ELOVL5: variants seen among roughly 807,000 people sequenced by gnomAD.
The protein encoded by ELOVL5 is ELOVL fatty acid elongase 5, also known as very long chain fatty acid elongase 5.
ELOVL5 carries 8 observed loss-of-function variants against 38.6 expected under a neutral mutation model. The ratio of observed to expected loss-of-function variants is 0.21; its 90% CI spans 0.12 to 0.37. ELOVL5 has a LOEUF of 0.37. ELOVL5 is among the 10% of genes least tolerant of loss of function. ELOVL5 has a pLI of 1.00. For missense variants in ELOVL5, 280 were observed against 367.8 expected (o/e 0.76, Z 1.95); for synonymous variants, 127 against 133.7 (o/e 0.95, Z 0.34).
intron 1 of ELOVL5, among the ~76,000 whole-genome samples, chr6:53,322,123 T>G (rs1768325809): frequency 6.6e-6 from 1 of 152,220 alleles, no homozygotes; most frequent in Admixed American, 6.5e-5. Context: ...GTTCAAGCAT[T>G]TGTTAAATAT....
intron 1 of ELOVL5, among the ~76,000 whole-genome samples, chr6:53,296,820 T>C (rs578118024): frequency 2.0e-5 from 3 of 152,338 alleles, no homozygotes; most frequent in Admixed American, 6.5e-5. Context: ...ATCAATATTA[T>C]AACGTCCAAG....
At chr6:53,281,174 G>C (rs993399184) in intron 3 of ELOVL5, among the ~76,000 whole-genome samples, 2 of 152,168 alleles carry the variant, frequency 1.3e-5, no homozygotes, top group African/African-American at 4.8e-5. Context: ...GGTGATAAGA[G>C]CTTGATGAAG....
rs1249699550 is a variant in ELOVL5 at position 53,348,867 on chromosome 6, G to A, written c.-59C>T. 2.2e-6 allele frequency: 1 copy of A among 457,556 alleles called. No individual in the cohort carries two copies. The highest frequency in any genetic ancestry group is 4.4e-6 in the Non-Finnish European group (1 of 227,716). The allele number at this position is 457,556 out of a possible 1,614,324, so 28.3% of individuals were successfully genotyped here. On this transcript the variant is annotated 5_prime_UTR_variant, in exon 1 of 8. Coordinates refer to ENST00000304434, the MANE Select transcript of ELOVL5 (RefSeq NM_021814.5). ...CTTTGAGCAGCAGCAAGGCGGCGGC[G>A]GCGGAGGGAGCGCGGGTGGCAGCCG...
At chr6:53,309,802 T>G (rs571173813) in intron 1 of ELOVL5, among the ~76,000 whole-genome samples, 33 of 152,214 alleles carry the variant, frequency 2.2e-4, no homozygotes, top group African/African-American at 7.7e-4. Context: ...TGGCAGGAAA[T>G]AGGCCACCTG....
chr6:53,287,645 A>C (rs1766621795), intron 3 of ELOVL5, among the ~76,000 whole-genome samples: 1 of 152,364 alleles, frequency 6.6e-6, no homozygotes, highest in African/African-American at 2.4e-5. Flanking sequence ...CACAGTCCTC[A>C]AAAGTGAGAG....
chr6:53,305,835 T>C (rs988567131), intron 1 of ELOVL5, among the ~76,000 whole-genome samples: 1 of 152,068 alleles, frequency 6.6e-6, no homozygotes, highest in African/African-American at 2.4e-5. Flanking sequence ...CTCCGCACTT[T>C]GTGGGGCCAA....
intron 1 of ELOVL5, among the ~76,000 whole-genome samples, chr6:53,305,068 C>A (rs572470459): frequency 6.7e-6 from 1 of 148,546 alleles, no homozygotes; most frequent in South Asian, 2.1e-4. Context: ...ACCCCCCCCA[C>A]CTCCCTCCCG....
At chr6:53,279,182 G>A (rs1432306684) in intron 3 of ELOVL5, among the ~76,000 whole-genome samples, 2 of 152,160 alleles carry the variant, frequency 1.3e-5, no homozygotes, top group Non-Finnish European at 2.9e-5. Flanking sequence ...CTCCCACCAT[G>A]AAGTACATAA....
chr6:53,335,614 C>T (rs1769027457), intron 1 of ELOVL5, among the ~76,000 whole-genome samples: 1 of 152,094 alleles, frequency 6.6e-6, no homozygotes, highest in South Asian at 2.1e-4. Context: ...CACTATCCTT[C>T]CCCCAGACTC....
intron 1 of ELOVL5, 97 bp downstream of exon 1, chr6:53,348,720 G>C: frequency 2.3e-6 from 1 of 434,366 alleles, no homozygotes; most frequent in Non-Finnish European, 4.6e-6. Flanking sequence ...GAGACCTAAC[G>C]GCAGTTCTCT....
At chr6:53,333,458 T>C (rs1768895986) in intron 1 of ELOVL5, among the ~76,000 whole-genome samples, 1 of 152,192 alleles carries the variant, frequency 6.6e-6, no homozygotes, top group African/African-American at 2.4e-5. Flanking sequence ...ACTGAGACGT[T>C]AGTAATGAGC....
intron 5 of ELOVL5, among the ~76,000 whole-genome samples, chr6:53,274,446 T>TA (rs1334951018): frequency 6.6e-6 from 1 of 152,228 alleles, no homozygotes; most frequent in African/African-American, 2.4e-5. Flanking sequence ...GGTTCTCAGT[T>TA]AAATTCTTCA....
chr6:53,317,721 C>T (rs1768113544), intron 1 of ELOVL5, among the ~76,000 whole-genome samples: 1 of 151,284 alleles, frequency 6.6e-6, no homozygotes, highest in South Asian at 2.1e-4. Context: ...GTGCAGCATA[C>T]CAGCATGGCA....
At chr6:53,295,532 TATC>T in intron 2 of ELOVL5, 107 bp downstream of exon 2, 2 of 763,944 alleles carry the variant, frequency 2.6e-6, no homozygotes, top group South Asian at 1.7e-5. Context: ...GTTTTAGACT[TATC>T]ATAGAAAATG....
intron 1 of ELOVL5, among the ~76,000 whole-genome samples, chr6:53,326,777 G>C (rs1227992165): frequency 2.0e-5 from 3 of 152,186 alleles, no homozygotes; most frequent in Admixed American, 6.5e-5. Flanking sequence ...CTAGGCACCA[G>C]CAAGTACGGT....
At chr6:53,341,271 G>C (rs1022732485) in intron 1 of ELOVL5, among the ~76,000 whole-genome samples, 1 of 152,114 alleles carries the variant, frequency 6.6e-6, no homozygotes, top group African/African-American at 2.4e-5. Context: ...TTTAGTTACT[G>C]TCAACAGAAG....
chr6:53,285,513 C>T (rs2127571909), intron 3 of ELOVL5, among the ~76,000 whole-genome samples: 1 of 152,342 alleles, frequency 6.6e-6, no homozygotes, highest in East Asian at 1.9e-4. Context: ...GAAGCTGCAG[C>T]CAGTTATCTG....
rs77733709 is a variant in ELOVL5, at chr6:53,280,904, T to C, written c.247-4648A>G. Among the ~76,000 whole-genome samples, 664 of 152,288 alleles carry C rather than the reference T, an allele frequency of 4.4e-3. 8 individuals carry two copies. The highest frequency in any genetic ancestry group is 0.015 in the African/African-American group (641 of 41,548). On this transcript the variant is annotated intron_variant, in intron 3 of 7. Coordinates refer to ENST00000304434, the MANE Select transcript of ELOVL5 (RefSeq NM_021814.5). ...GCCCCTGCACCCAGCCAGGAGTGAA[T>C]CATTTTTAACGGTGAGTTGACTTTT...
chr6:53,341,754 T>C (rs769359112), intron 1 of ELOVL5, among the ~76,000 whole-genome samples: 6 of 152,232 alleles, frequency 3.9e-5, no homozygotes, highest in East Asian at 1.9e-4. Flanking sequence ...TTCCAATCTT[T>C]TGCTATTAGA....
Sources: allele counts gnomAD v4.1 joint callset (sites outside exome capture counted in the v4.1 genomes callset), GRCh38; gene constraint gnomAD v4.1.1; transcripts MANE v1.5; gene names NCBI Gene and HGNC (gene_info 2026-07-23, HGNC 2026-07-21).